SPG11: variants seen among roughly 807,000 people sequenced by gnomAD.
The protein encoded by SPG11 is SPG11 vesicle trafficking associated, spatacsin, also known as spatacsin.
In SPG11, 222 loss-of-function variants were observed where a neutral mutation model predicts 274.0. That is an observed-to-expected ratio of 0.81 (90% CI 0.73 to 0.91). The LOEUF is 0.91. Ranked by LOEUF, SPG11 falls within the 40% of genes least tolerant of loss-of-function variation. The pLI is 0.00. For synonymous variants in SPG11, 1,144 were observed against 1,039.7 expected (o/e 1.10, Z -1.93); for missense variants, 3,114 against 2,872.7 (o/e 1.08, Z -1.92).
In SPG11 at chr15:44,564,641, G is replaced by C. The variant is rs779522565; in HGVS notation, c.7057C>G (p.Gln2353Glu). Residue 2353 changes from glutamine (Q) to glutamate (E), a missense_variant, in exon 39 of 40, where the codon CAG becomes GAG. Transcript: ENST00000261866. ...AAGTCTCCTTTAAGAATCACTTGCTGGTATAAAATTTCAGCCCAATCTGGA... is the reference window on the plus strand; with the variant it reads ...AAGTCTCCTTTAAGAATCACTTGCTCGTATAAAATTTCAGCCCAATCTGGA... Reference protein sequence around the residue: ...FVPDWAEILYQQVILKGDFNY... With the variant: ...FVPDWAEILYEQVILKGDFNY... 6.2e-7 allele frequency: 1 copy of C among 1,614,006 alleles called. No individual in the cohort carries two copies. Among genetic ancestry groups the C allele is most frequent in the Admixed American group, 1.7e-5 (1 of 60,018 alleles).
chr15:44,572,896 A>T, intron 32 of SPG11, 76 bp from the exon 33 acceptor site: 1 of 1,410,580 alleles, frequency 7.1e-7, no homozygotes, highest in Non-Finnish European at 9.8e-7. Context: ...AGGCACCAGG[A>T]GGTAATGCTT....
chr15:44,644,686 G>A (rs1233401529), intron 7 of SPG11, among the ~76,000 whole-genome samples: 2 of 152,092 alleles, frequency 1.3e-5, no homozygotes, highest in African/African-American at 4.8e-5. Flanking sequence ...CATAGTCTCT[G>A]TTCAAAAGCT....
chr15:44,611,043 T>A (rs910268229), intron 17 of SPG11, 58 bp from the exon 18 acceptor site: 132 of 1,414,172 alleles, frequency 9.3e-5, no homozygotes, highest in Non-Finnish European at 1.2e-4. Context: ...AAATTAAGGA[T>A]TACATAAATG....
intron 30 of SPG11, 37 bp from the exon 31 acceptor site, chr15:44,575,078 G>A (rs1215512831): frequency 6.2e-7 from 1 of 1,612,032 alleles, no homozygotes; most frequent in Admixed American, 1.7e-5. Context: ...CTCTAAGCTG[G>A]GAGGTTCTGG....
Position 44,610,810 on chromosome 15 carries a change from TC to T in SPG11, c.3291+29del, listed in dbSNP as rs1158555854. On this transcript the variant is annotated intron_variant, in intron 18 of 39. Coordinates refer to ENST00000261866, the MANE Select transcript of SPG11 (RefSeq NM_025137.4). ...TAATTCTGCTAAATTTAAAAATCAG[TC>T]CTATTTTGTCATAAAGTGCTATCCA... The T allele has an allele frequency of 3.1e-6, 5 of 1,600,814 alleles. No individual in the cohort carries two copies. The African/African-American group carries it at 6.7e-5, about 21-fold the overall frequency.
At chr15:44,587,403 T>C (rs143021526) in intron 28 of SPG11, among the ~76,000 whole-genome samples, 7 of 152,240 alleles carry the variant, frequency 4.6e-5, no homozygotes, top group Non-Finnish European at 8.8e-5. Context: ...ACAGAACATA[T>C]TCCTGGCTGG....
chr15:44,662,647 C>CT (rs1451596471), intron 1 of SPG11, among the ~76,000 whole-genome samples: 29 of 109,882 alleles, frequency 2.6e-4, no homozygotes, highest in East Asian at 8.8e-4. Flanking sequence ...GCGACCTTAT[C>CT]TTTAAAAAAA....
chr15:44,574,947 C>T lies in SPG11; in HGVS notation c.5961G>A (p.Gly1987=), dbSNP rs769565487. 1.9e-6 allele frequency: 3 copies of T among 1,614,086 alleles called. No individual in the cohort carries two copies. The highest frequency in any genetic ancestry group is 1.7e-6 in the Non-Finnish European group (2 of 1,180,018). The change falls in exon 31 of 40, where the codon GGG becomes GGA. Residue 1987 remains glycine (G), a synonymous_variant. Coordinates refer to ENST00000261866, the MANE Select transcript of SPG11 (RefSeq NM_025137.4). The part of the protein sequence containing the change: ...LEVLTSKCLH[G]KNYCRQVLCL... ...AGAGGACCTGTCGACAGTAGTTCTT[C>T]CCATGGAGGCATTTGCTTGTCAGCA...
chr15:44,584,306 C>A lies in SPG11; in HGVS notation c.5374G>T (p.Asp1792Tyr). The part of the protein sequence containing the change: ...WLAQEDVVPL[D>Y]KLEELEKQIW... ...TGCTTCTCCAGCTCCTCCAGCTTAT[C>A]CAAGGGCACCACGTCCTCCTGGGCA... The change falls in exon 30 of 40, where the codon GAT becomes TAT. Residue 1792 changes from aspartate (D) to tyrosine (Y), a missense_variant. Coordinates refer to ENST00000261866, the MANE Select transcript of SPG11 (RefSeq NM_025137.4). The A allele has an allele frequency of 6.2e-7, 1 of 1,612,108 alleles. No individual in the cohort carries two copies. Among genetic ancestry groups the A allele is most frequent in the Non-Finnish European group, 8.5e-7 (1 of 1,178,674 alleles).
chr15:44,599,296 T>A (rs575400482), intron 21 of SPG11, among the ~76,000 whole-genome samples: 15 of 152,280 alleles, frequency 9.9e-5, no homozygotes, highest in African/African-American at 3.4e-4. Context: ...TACTATTTTT[T>A]ATTTTTATTA....
Position 44,584,148 on chromosome 15 carries a change from G to A in SPG11, c.5532C>T (p.Ser1844=). ...TTGATGTGTTCAGAGCAGCCAACTT[G>A]GAGAAGGAAAACTCACTGGCTAAAC... The part of the protein sequence containing the change: ...FDSLASEFSF[S]KLAALNTSKY... The change falls in exon 30 of 40, where the codon TCC becomes TCT. Residue 1844 remains serine (S), a synonymous_variant. Coordinates refer to ENST00000261866, the MANE Select transcript of SPG11 (RefSeq NM_025137.4). 1 of 1,614,196 alleles carries A rather than the reference G, an allele frequency of 6.2e-7. No individual in the cohort carries two copies. Among genetic ancestry groups the A allele is most frequent in the Non-Finnish European group, 8.5e-7 (1 of 1,180,038 alleles).
At position 44,652,119 on chromosome 15, in the gene SPG11, G is replaced by A; in HGVS notation, c.1007+10C>T. On this transcript the variant is annotated intron_variant, in intron 5 of 39. Transcript: ENST00000261866. ...GAACAATAAACTACATGAAAAGGAA[G>A]TTTCTGTACCTATCAATTTGGAAGG... is the stretch of plus-strand genomic sequence containing the variant. 3 of 1,614,014 alleles carry A rather than the reference G, an allele frequency of 1.9e-6. No homozygotes were observed. The highest frequency in any genetic ancestry group is 2.2e-5 in the East Asian group (1 of 44,870).
At chr15:44,568,013 G>A (rs1220189102) in intron 35 of SPG11, among the ~76,000 whole-genome samples, 1 of 152,170 alleles carries the variant, frequency 6.6e-6, no homozygotes, top group African/African-American at 2.4e-5. Context: ...AGGATGATTT[G>A]TTGATTTGGG....
In SPG11 at chr15:44,606,005, A is replaced by T. The variant is rs376883385; in HGVS notation, c.3520+20T>A. 5.6e-6 allele frequency: 9 copies of T among 1,605,082 alleles called. No individual in the cohort carries two copies. Among genetic ancestry groups the T allele is most frequent in the Non-Finnish European group, 7.7e-6 (9 of 1,171,894 alleles). The stretch of plus-strand genomic sequence containing the variant: ...TAACACTGCTAAAACATGTCTCAAG[A>T]AGTACCCATGATGACTTACCTCCTA... On this transcript the variant is annotated intron_variant, in intron 20 of 39. Transcript: ENST00000261866.
At chr15:44,608,183 A>G (rs1030185658) in intron 19 of SPG11, among the ~76,000 whole-genome samples, 5 of 152,162 alleles carry the variant, frequency 3.3e-5, no homozygotes, top group African/African-American at 1.2e-4. Context: ...TTGTTAGTTT[A>G]ACTCCCAGAG....
intron 10 of SPG11, among the ~76,000 whole-genome samples, 165 bp downstream of exon 10, chr15:44,628,504 T>C (rs770135864): frequency 1.9e-4 from 29 of 152,180 alleles, no homozygotes; most frequent in Non-Finnish European, 3.7e-4. Flanking sequence ...CTTGTAGACA[T>C]AAATTTGAAG....
chr15:44,583,065 AG>A, intron 30 of SPG11, among the ~76,000 whole-genome samples: 1 of 150,592 alleles, frequency 6.6e-6, no homozygotes, highest in African/African-American at 2.5e-5. Context: ...CAGATTGGAA[AG>A]GCAGAAATAC....
At position 44,595,466 on chromosome 15, in the gene SPG11, C is replaced by G. The variant is rs199685245; in HGVS notation, c.4435-7G>C. 11 of 1,613,706 alleles carry G rather than the reference C, an allele frequency of 6.8e-6. No homozygotes were observed. The highest frequency in any genetic ancestry group is 8.5e-6 in the Non-Finnish European group (10 of 1,179,730). On this transcript the variant is annotated splice_polypyrimidine_tract_variant and splice_region_variant and intron_variant, in intron 25 of 39. Coordinates refer to ENST00000261866, the MANE Select transcript of SPG11 (RefSeq NM_025137.4). ...AAGAAATGGCACTGGCACCCTGCCA[C>G]GGGATAAATAAAATAACAACTAGGC...
chr15:44,572,204 A>T (rs980384304), intron 33 of SPG11, among the ~76,000 whole-genome samples: 1 of 152,264 alleles, frequency 6.6e-6, no homozygotes, highest in African/African-American at 2.4e-5. Flanking sequence ...TTCATAAAGT[A>T]AAAAAATTAT....
Sources: allele counts gnomAD v4.1 joint callset (sites outside exome capture counted in the v4.1 genomes callset), GRCh38; gene constraint gnomAD v4.1.1; transcripts MANE v1.5; gene names NCBI Gene and HGNC (gene_info 2026-07-23, HGNC 2026-07-21).